PTPRM: variants seen among roughly 807,000 people sequenced by gnomAD.
PTPRM encodes the protein receptor-type tyrosine-protein phosphatase mu.
In PTPRM, 47 loss-of-function variants were observed where a neutral mutation model predicts 186.7. The observed-to-expected ratio is 0.25, with a 90% CI of 0.20 to 0.32. PTPRM has a LOEUF of 0.32. Ranked by LOEUF, PTPRM falls within the 10% of genes least tolerant of loss-of-function variation. PTPRM has a pLI of 1.00. For missense variants in PTPRM, 1,494 were observed against 1,865.0 expected (o/e 0.80, Z 3.66); for synonymous variants, 668 against 674.9 (o/e 0.99, Z 0.16).
intron 2 of PTPRM, among the ~76,000 whole-genome samples, chr18:7,873,607 C>T (rs2048084410): frequency 6.6e-6 from 1 of 152,160 alleles, no homozygotes; most frequent in African/African-American, 2.4e-5. Context: ...ACCACCACCA[C>T]CAAAAGGAGG....
chr18:7,862,174 A>G (rs1567932200), intron 2 of PTPRM, among the ~76,000 whole-genome samples: 2 of 152,220 alleles, frequency 1.3e-5, no homozygotes, highest in Non-Finnish European at 2.9e-5. Context: ...TAAGTTCAAA[A>G]TAAAGGTATC....
At chr18:7,966,690 G>A (rs1253896542) in intron 7 of PTPRM, among the ~76,000 whole-genome samples, 1 of 147,704 alleles carries the variant, frequency 6.8e-6, no homozygotes, top group Non-Finnish European at 1.5e-5. Context: ...AAAGAAAGGG[G>A]TGACGGGCGC....
At position 8,242,231 on chromosome 18, in the gene PTPRM, A is replaced by G. The variant is rs544991614; in HGVS notation, c.2301-1827A>G. On this transcript the variant is annotated intron_variant, in intron 14 of 32. Coordinates refer to ENST00000580170, the MANE Select transcript of PTPRM (RefSeq NM_001105244.2). ...ACTGGCATAAATCAGTCCAAAGCAA[A>G]TCAAAGAAATTCAAGCAAAAAGAAG... Among the ~76,000 whole-genome samples, 17 of 152,324 alleles carry G rather than the reference A, an allele frequency of 1.1e-4. No homozygotes were observed. The South Asian group carries it at 3.5e-3, about 32-fold the overall frequency.
At chr18:7,738,623 A>G (rs1337314080) in intron 1 of PTPRM, among the ~76,000 whole-genome samples, 1 of 130,022 alleles carries the variant, frequency 7.7e-6, no homozygotes, top group Non-Finnish European at 1.6e-5. Context: ...TTGTATTTTT[A>G]GTAGAGACGG....
At chr18:8,301,194 T>C (rs1056702266) in intron 20 of PTPRM, among the ~76,000 whole-genome samples, 18 of 152,222 alleles carry the variant, frequency 1.2e-4, no homozygotes, top group African/African-American at 4.3e-4. Context: ...ACATTCATTG[T>C]TTTTGCAGCA....
At chr18:8,361,011 G>T (rs1482648425) in intron 23 of PTPRM, 1 of 152,178 alleles carries the variant, frequency 6.6e-6, no homozygotes, top group Admixed American at 6.5e-5. Flanking sequence ...GTGATGTGCA[G>T]TCAAGGATTG....
intron 2 of PTPRM, among the ~76,000 whole-genome samples, chr18:7,774,840 T>G (rs986510746): frequency 1.3e-5 from 2 of 152,196 alleles, no homozygotes; most frequent in African/African-American, 4.8e-5. Context: ...TTTTACTTCT[T>G]GTTGGGAGGG....
At chr18:7,835,402 T>C (rs888500933) in intron 2 of PTPRM, among the ~76,000 whole-genome samples, 3 of 152,132 alleles carry the variant, frequency 2.0e-5, no homozygotes, top group Non-Finnish European at 2.9e-5. Context: ...AAAATTCCTC[T>C]TGTTATTGAT....
At chr18:7,742,939 T>G (rs549233234) in intron 1 of PTPRM, among the ~76,000 whole-genome samples, 6 of 152,312 alleles carry the variant, frequency 3.9e-5, no homozygotes, top group Admixed American at 1.3e-4. Flanking sequence ...TATTTACCCA[T>G]TAGTTAGGTG....
At chr18:8,154,670 G>A (rs2093082940) in intron 14 of PTPRM, 1 of 152,200 alleles carries the variant, frequency 6.6e-6, no homozygotes, top group Non-Finnish European at 1.5e-5. Context: ...GTTGTGGAAG[G>A]TGGGCTTTTA....
intron 22 of PTPRM, among the ~76,000 whole-genome samples, chr18:8,341,047 T>C (rs2095471540): frequency 9.8e-6 from 1 of 102,464 alleles, no homozygotes; most frequent in Non-Finnish European, 2.0e-5. Flanking sequence ...TGTATAGTGC[T>C]TGGGAGCAGT....
At chr18:7,965,476 G>C (rs779142985) in intron 7 of PTPRM, among the ~76,000 whole-genome samples, 5 of 152,102 alleles carry the variant, frequency 3.3e-5, no homozygotes, top group Non-Finnish European at 2.9e-5. Flanking sequence ...CAGGAAGGTA[G>C]GTGAACCCTT....
intron 8 of PTPRM, among the ~76,000 whole-genome samples, chr18:8,075,698 A>G (rs1316399443): frequency 1.3e-5 from 2 of 152,124 alleles, no homozygotes; most frequent in Non-Finnish European, 2.9e-5. Flanking sequence ...AACTTCCCCC[A>G]AATCACATAT....
intron 1 of PTPRM, among the ~76,000 whole-genome samples, chr18:7,600,939 C>T (rs970592275): frequency 2.0e-5 from 3 of 152,200 alleles, no homozygotes; most frequent in Non-Finnish European, 2.9e-5. Flanking sequence ...AGAACAGGCT[C>T]ACCTCCTGAG....
At chr18:8,278,753 T>C (rs2094866877) in intron 19 of PTPRM, among the ~76,000 whole-genome samples, 1 of 151,650 alleles carries the variant, frequency 6.6e-6, no homozygotes, top group Non-Finnish European at 1.5e-5. Context: ...AGAGGGAGGG[T>C]CGCCTTGGAT....
chr18:8,354,533 G>A, intron 23 of PTPRM, among the ~76,000 whole-genome samples: 1 of 152,208 alleles, frequency 6.6e-6, no homozygotes, highest in Non-Finnish European at 1.5e-5. Flanking sequence ...AATGTACTGA[G>A]TCAGGCATCC....
intron 19 of PTPRM, among the ~76,000 whole-genome samples, chr18:8,273,619 C>G (rs1397546578): frequency 1.3e-5 from 2 of 152,100 alleles, no homozygotes; most frequent in Non-Finnish European, 2.9e-5. Context: ...TCTAAAAGCT[C>G]TAATTTTTAA....
chr18:7,761,269 G>A (rs2041758215), intron 1 of PTPRM, among the ~76,000 whole-genome samples: 1 of 152,096 alleles, frequency 6.6e-6, no homozygotes, highest in African/African-American at 2.4e-5. Context: ...ATTAAAGCAT[G>A]CTTTCTTTAT....
chr18:7,986,216 G>T (rs2082956206), intron 7 of PTPRM, among the ~76,000 whole-genome samples: 1 of 152,150 alleles, frequency 6.6e-6, no homozygotes, highest in African/African-American at 2.4e-5. Context: ...TGCGTAACAG[G>T]ATTTAAAGCA....
Sources: allele counts gnomAD v4.1 joint callset (sites outside exome capture counted in the v4.1 genomes callset), GRCh38; gene constraint gnomAD v4.1.1; transcripts MANE v1.5; gene names NCBI Gene and HGNC (gene_info 2026-07-23, HGNC 2026-07-21).